The following CA8 variants were observed in gnomAD, a reference collection of about 807,000 sequenced individuals.
The protein encoded by CA8 is carbonic anhydrase 8 (inactive).
Under a neutral mutation model 41.4 loss-of-function variants are expected in CA8, and 22 were observed. That is an observed-to-expected ratio of 0.53 (90% CI 0.38 to 0.76). The LOEUF (loss-of-function observed/expected upper bound fraction) is 0.76, where lower values mean the gene tolerates loss of function less well. Among genes scored for constraint, CA8 ranks in the 30% least tolerant of loss-of-function variants. The probability of loss-of-function intolerance (pLI) is 0.00; values close to 1 mark genes in which losing one functional copy is unlikely to be tolerated. For synonymous variants in CA8, 121 were observed against 130.6 expected (o/e 0.93, Z 0.50); for missense variants, 270 against 352.8 (o/e 0.77, Z 1.88).
rs114945934 is a variant in CA8 at position 60,272,936 on chromosome 8, G to A, written c.292+6753C>T. Among the ~76,000 whole-genome samples the A allele has an allele frequency of 3.3e-3, 502 of 152,340 alleles. 1 individual carries two copies. The highest frequency in any genetic ancestry group is 0.012 in the African/African-American group (491 of 41,588). On this transcript the variant is annotated intron_variant, in intron 2 of 8. Coordinates refer to ENST00000317995, the MANE Select transcript of CA8 (RefSeq NM_004056.6). Reference sequence around the variant, plus strand: ...GACACATTAAACATCTGGCAAAGTAGGCCTGCTCTCTGCAGCTTGCCAGTT... The same window carrying A: ...GACACATTAAACATCTGGCAAAGTAAGCCTGCTCTCTGCAGCTTGCCAGTT...
intron 8 of CA8, among the ~76,000 whole-genome samples, chr8:60,205,793 TAA>T (rs1806557545): frequency 6.6e-6 from 1 of 152,166 alleles, no homozygotes; most frequent in South Asian, 2.1e-4. Flanking sequence ...AGTCTAAAAC[TAA>T]AGTTATTTCA....
intron 3 of CA8, among the ~76,000 whole-genome samples, chr8:60,245,082 C>T (rs1272603180): frequency 1.3e-5 from 2 of 152,192 alleles, no homozygotes; most frequent in African/African-American, 2.4e-5. Flanking sequence ...TCTTCATAAT[C>T]ATTCCCACCA....
intron 7 of CA8, among the ~76,000 whole-genome samples, chr8:60,221,039 A>G (rs906110022): frequency 6.6e-6 from 1 of 152,192 alleles, no homozygotes; most frequent in African/African-American, 2.4e-5. Flanking sequence ...GCATGAAATA[A>G]ATTTCTACTG....
intron 7 of CA8, among the ~76,000 whole-genome samples, chr8:60,219,403 G>T (rs1025840215): frequency 6.6e-6 from 1 of 152,056 alleles, no homozygotes; most frequent in Non-Finnish European, 1.5e-5. Context: ...TGATCTGCCC[G>T]CCTGGGCCTC....
rs1055983957 is a variant in CA8, at chr8:60,187,097, T to A, written c.*2924A>T. ...CATATGCTAAGCCAGAAAGCAAACC[T>A]CGATAAATTTAAGACTGAGATCATA... On this transcript the variant is annotated 3_prime_UTR_variant, in exon 9 of 9. Coordinates refer to ENST00000317995, the MANE Select transcript of CA8 (RefSeq NM_004056.6). 1.3e-5 allele frequency among the ~76,000 whole-genome samples: 2 copies of A among 151,934 alleles called. No individual in the cohort carries two copies. Among genetic ancestry groups the A allele is most frequent in the Non-Finnish European group, 2.9e-5 (2 of 67,944 alleles).
At chr8:60,231,193 T>TTA (rs2130492745) in intron 4 of CA8, among the ~76,000 whole-genome samples, 1 of 152,314 alleles carries the variant, frequency 6.6e-6, no homozygotes, top group East Asian at 1.9e-4. Context: ...TTCTTTCTAG[T>TTA]TATATAACGC....
chr8:60,198,972 T>A (rs1806350809), intron 8 of CA8, among the ~76,000 whole-genome samples: 1 of 152,108 alleles, frequency 6.6e-6, no homozygotes, highest in East Asian at 1.9e-4. Flanking sequence ...ATTGGTTGTA[T>A]CTATACTAAA....
At chr8:60,251,379 TC>T (rs1225927899) in intron 3 of CA8, among the ~76,000 whole-genome samples, 3 of 152,230 alleles carry the variant, frequency 2.0e-5, no homozygotes, top group Non-Finnish European at 4.4e-5. Flanking sequence ...CTATTAAAAG[TC>T]AAGCCAAACT....
intron 3 of CA8, 175 bp from the exon 4 acceptor site, chr8:60,232,554 T>C: frequency 1.5e-6 from 1 of 669,018 alleles, no homozygotes; most frequent in Non-Finnish European, 2.7e-6. Context: ...TCCTTCCTTC[T>C]TATTTCTGAA....
In CA8 at chr8:60,222,446, T is replaced by A. The variant is rs568235048; in HGVS notation, c.738+203A>T. The stretch of plus-strand genomic sequence containing the variant: ...TATTAACTCTCTAAAGACTAACTTT[T>A]AAAATATAGACCATAAATTAGTGTT... On this transcript the variant is annotated intron_variant, in intron 7 of 8. Coordinates refer to ENST00000317995, the MANE Select transcript of CA8 (RefSeq NM_004056.6). Among the ~76,000 whole-genome samples the A allele has an allele frequency of 4.6e-5, 7 of 152,352 alleles. No individual in the cohort carries two copies. The South Asian group carries it at 1.4e-3, about 32-fold the overall frequency.
chr8:60,250,278 C>A (rs1317665442), intron 3 of CA8, among the ~76,000 whole-genome samples: 1 of 148,742 alleles, frequency 6.7e-6, no homozygotes, highest in Non-Finnish European at 1.5e-5. Context: ...CTTTTCCAGC[C>A]CTTTCCTGGG....
intron 3 of CA8, among the ~76,000 whole-genome samples, chr8:60,249,661 CA>C (rs1808377168): frequency 6.6e-6 from 1 of 151,908 alleles, no homozygotes. Context: ...ATTTTTCACA[CA>C]AAAAAACTAA....
chr8:60,262,791 G>C (rs73685408), intron 3 of CA8, among the ~76,000 whole-genome samples: 7,772 of 152,304 alleles, frequency 0.051, 509 homozygotes, highest in African/African-American at 0.15. Context: ...TACCAGATGA[G>C]AGCATGATAA....
chr8:60,247,471 A>C (rs6471852), intron 3 of CA8, among the ~76,000 whole-genome samples: 65 of 151,992 alleles, frequency 4.3e-4, no homozygotes, highest in Middle Eastern at 3.4e-3. Context: ...TGTTCTCATC[A>C]TTCAACTTCC....
intron 6 of CA8, 117 bp downstream of exon 6, chr8:60,224,420 T>C (rs1046952903): frequency 4.7e-5 from 33 of 708,226 alleles, no homozygotes; most frequent in Non-Finnish European, 7.3e-5. Flanking sequence ...CTAAACAGAA[T>C]ACAAATTGCA....
In CA8 at chr8:60,208,907, G is replaced by T. The variant is rs749446493; in HGVS notation, c.751C>A (p.Arg251=). The T allele has an allele frequency of 1.2e-6, 2 of 1,614,044 alleles. No individual in the cohort carries two copies. The highest frequency in any genetic ancestry group is 2.2e-5 in the South Asian group (2 of 91,074). The change falls in exon 8 of 9, where the codon CGA becomes AGA. Residue 251 remains arginine, a synonymous_variant. Transcript: ENST00000317995. Reference sequence around the variant, plus strand: ...CCCTTAACATGTGTCCTCAGCCTTCGAAATTCTTCTATCTGAAAATAAAAG... The same window carrying T: ...CCCTTAACATGTGTCCTCAGCCTTCTAAATTCTTCTATCTGAAAATAAAAG... ...TISQLQIEEF[R]RLRTHVKGAE...
intron 8 of CA8, chr8:60,208,427 A>C (rs1342277444): frequency 3.1e-6 from 1 of 324,876 alleles, no homozygotes; most frequent in Non-Finnish European, 5.9e-6. Context: ...CACGGGGACA[A>C]CATGGTAAGT....
At chr8:60,239,589 C>A (rs189771695) in intron 3 of CA8, among the ~76,000 whole-genome samples, 1 of 152,202 alleles carries the variant, frequency 6.6e-6, no homozygotes, top group Non-Finnish European at 1.5e-5. Context: ...ATGTGGCCCA[C>A]AGGCCATGGG....
rs141427567 is a variant in CA8 at position 60,197,877 on chromosome 8, A to C, written c.*36-7892T>G. On this transcript the variant is annotated intron_variant, in intron 8 of 8. Coordinates refer to ENST00000317995, the MANE Select transcript of CA8 (RefSeq NM_004056.6). ...AAGATGAGAAAGAGATGTAGAATAT[A>C]TTGAACAATTGGTTAAAAAAATGGC... is the stretch of plus-strand genomic sequence containing the variant. 2.6e-3 allele frequency among the ~76,000 whole-genome samples: 401 copies of C among 152,330 alleles called. 3 individuals are homozygous for C. Among genetic ancestry groups the C allele is most frequent in the African/African-American group, 8.8e-3 (367 of 41,576 alleles).
Sources: gnomAD v4.1 joint callset for allele counts (sites outside exome capture counted in the v4.1 genomes callset) on GRCh38, gnomAD v4.1.1 for gene constraint, MANE v1.5 for transcripts, NCBI Gene and HGNC (gene_info 2026-07-23, HGNC 2026-07-21) for gene names.